PLA2R1: variants seen among roughly 807,000 people sequenced by gnomAD.
PLA2R1 encodes the protein phospholipase A2 receptor 1.
Under a neutral mutation model 195.9 loss-of-function variants are expected in PLA2R1, and 158 were observed. The ratio of observed to expected loss-of-function variants is 0.81; its 90% confidence interval spans 0.71 to 0.92. The LOEUF is 0.92. PLA2R1 is among the 40% of genes least tolerant of loss of function. PLA2R1 has a pLI of 0.00. For missense variants in PLA2R1, 1,626 were observed against 1,764.6 expected, an observed-to-expected ratio of 0.92 and a Z score of 1.41; for synonymous variants, 586 against 598.2, an observed-to-expected ratio of 0.98 and a Z score of 0.30.
At position 159,977,426 on chromosome 2, in the gene PLA2R1, A is replaced by T. The variant is rs769915693; in HGVS notation, c.2269-10T>A. 1.2e-6 allele frequency: 2 copies of T among 1,612,320 alleles called. No homozygotes were observed. Among genetic ancestry groups the T allele is most frequent in the Admixed American group, 1.7e-5 (1 of 59,958 alleles). The stretch of plus-strand genomic sequence containing the variant: ...AAAACGAAGAGACAACCTGCAGCAG[A>T]TGAAGTTCATTATTCCTTAATGATG... On this transcript the variant is annotated splice_polypyrimidine_tract_variant and intron_variant, in intron 14 of 29. Transcript: ENST00000283243.
intron 6 of PLA2R1, among the ~76,000 whole-genome samples, chr2:160,023,747 C>T (rs183487192): frequency 1.3e-5 from 2 of 152,168 alleles, no homozygotes. Context: ...CTGGTAACAC[C>T]TGGGATCTCA....
At chr2:160,002,987 A>G (rs1459129959) in intron 11 of PLA2R1, among the ~76,000 whole-genome samples, 1 of 151,988 alleles carries the variant, frequency 6.6e-6, no homozygotes, top group Non-Finnish European at 1.5e-5. Flanking sequence ...CATTGATTCT[A>G]TTTTTTCTAT....
intron 23 of PLA2R1, among the ~76,000 whole-genome samples, chr2:159,954,615 A>T (rs535150081): frequency 6.6e-6 from 1 of 152,190 alleles, no homozygotes; most frequent in African/African-American, 2.4e-5. Flanking sequence ...AGGGATACCC[A>T]GCATTCAGTA....
chr2:159,988,415 A>C (rs1391802289), intron 11 of PLA2R1, among the ~76,000 whole-genome samples: 1 of 152,200 alleles, frequency 6.6e-6, no homozygotes, highest in Admixed American at 6.5e-5. Flanking sequence ...GTTTAGTGTA[A>C]GACACAGACA....
At chr2:159,952,010 T>C (rs933408844) in intron 23 of PLA2R1, among the ~76,000 whole-genome samples, 5 of 152,230 alleles carry the variant, frequency 3.3e-5, no homozygotes, top group African/African-American at 4.8e-5. Flanking sequence ...AAACCTAATA[T>C]TACAGGTGCA....
intron 11 of PLA2R1, among the ~76,000 whole-genome samples, chr2:160,001,467 A>T (rs999754012): frequency 5.3e-5 from 8 of 152,036 alleles, no homozygotes; most frequent in African/African-American, 1.9e-4. Flanking sequence ...AATTCTATAC[A>T]TAATCACAAA....
In PLA2R1 at chr2:160,052,941, A is replaced by C. The variant is rs114410857; in HGVS notation, c.110-7784T>G. Among the ~76,000 whole-genome samples, 1,082 of 150,340 alleles carry C rather than the reference A, an allele frequency of 7.2e-3. 11 individuals are homozygous for C. Among genetic ancestry groups the C allele is most frequent in the Non-Finnish European group, 0.012 (820 of 67,070 alleles). On this transcript the variant is annotated intron_variant, in intron 1 of 29. Transcript: ENST00000283243. ...TTAAAAAACAAACAAAAAAACAAACAAACAAACAACTTTTAGTGGTAGATA... is the reference window on the plus strand; with the variant it reads ...TTAAAAAACAAACAAAAAAACAAACCAACAAACAACTTTTAGTGGTAGATA...
At chr2:159,927,139 G>C (rs1033749212), downstream of PLA2R1, among the ~76,000 whole-genome samples, 1 of 152,134 alleles carries the variant, frequency 6.6e-6, no homozygotes, top group Non-Finnish European at 1.5e-5. Context: ...TACAGGACTG[G>C]GAGGGAGGAA....
chr2:160,039,506 T>C (rs1431966965), intron 3 of PLA2R1, among the ~76,000 whole-genome samples: 1 of 152,178 alleles, frequency 6.6e-6, no homozygotes, highest in South Asian at 2.1e-4. Context: ...TCATTTTACA[T>C]TGAGATATTT....
intron 9 of PLA2R1, among the ~76,000 whole-genome samples, chr2:160,014,203 T>A (rs1692578536): frequency 6.6e-6 from 1 of 151,198 alleles, no homozygotes; most frequent in South Asian, 2.1e-4. Context: ...AAATAGAGAA[T>A]GGCCAATATA....
chr2:159,983,968 C>T lies in PLA2R1; in HGVS notation c.2143G>A (p.Glu715Lys). 3 of 1,597,646 alleles carry T rather than the reference C, an allele frequency of 1.9e-6. No homozygotes were observed. Among genetic ancestry groups the T allele is most frequent in the Non-Finnish European group, 2.6e-6 (3 of 1,166,476 alleles). Residue 715 changes from glutamate (E) to lysine (K), a missense_variant, in exon 13 of 30, where the codon GAG becomes AAG. Physicochemically the swap from Glu to Lys is moderately conservative, Grantham distance 56. Transcript: ENST00000283243. ...TGTAAGAGCTCATTCACAAAATTCT[C>T]TTCCTCAATATGGGCAAAGCTTGCA... ...HLASFAHIEE[E>K]NFVNELLHSK... is the part of the protein sequence containing the mutation.
In PLA2R1 at chr2:159,940,297, T is replaced by G. The variant is rs1187863984; in HGVS notation, c.*1481A>C. 1 of 152,238 alleles carries G rather than the reference T, an allele frequency of 6.6e-6. No homozygotes were observed. Among genetic ancestry groups the G allele is most frequent in the African/African-American group, 2.4e-5 (1 of 41,454 alleles). The allele number at this position is 152,238 out of a possible 1,614,324, so 9.4% of individuals were successfully genotyped here. On this transcript the variant is annotated 3_prime_UTR_variant, in exon 30 of 30. Transcript: ENST00000283243. ...CACTTGCTATTTTATGCATATGCAT[T>G]TCTTTACTGAGTTACTGTCAATTTT...
At chr2:160,016,075 C>G (rs1692722951) in intron 9 of PLA2R1, among the ~76,000 whole-genome samples, 1 of 151,994 alleles carries the variant, frequency 6.6e-6, no homozygotes, top group Admixed American at 6.5e-5. Context: ...ACAAGTCTGG[C>G]CAACATGGCA....
At chr2:159,956,710 G>C (rs1688116296) in intron 20 of PLA2R1, 83 bp from the exon 21 acceptor site, 1 of 804,218 alleles carries the variant, frequency 1.2e-6, no homozygotes. Flanking sequence ...CTGAATATCA[G>C]CTTTGAAAAT....
intron 25 of PLA2R1, among the ~76,000 whole-genome samples, chr2:159,948,402 T>C (rs1687521403): frequency 6.6e-6 from 1 of 151,632 alleles, no homozygotes; most frequent in Non-Finnish European, 1.5e-5. Context: ...GCCCAGATAA[T>C]TGAATTTTTT....
intron 11 of PLA2R1, 120 bp from the exon 12 acceptor site, chr2:159,987,478 A>G (rs1690436174): frequency 3.0e-6 from 2 of 677,292 alleles, no homozygotes; most frequent in Admixed American, 2.6e-5. Context: ...GACAAGAGCA[A>G]TCAAGATGAA....
At chr2:159,960,269 C>T (rs1330303824) in intron 20 of PLA2R1, among the ~76,000 whole-genome samples, 2 of 152,142 alleles carry the variant, frequency 1.3e-5, no homozygotes, top group Admixed American at 6.6e-5. Flanking sequence ...ATACACTTTT[C>T]TAGAACCACA....
downstream of PLA2R1, among the ~76,000 whole-genome samples, chr2:159,927,392 T>C (rs1307096336): frequency 6.6e-6 from 1 of 152,208 alleles, no homozygotes; most frequent in Admixed American, 6.5e-5. Context: ...CATCAGTCTC[T>C]AGAAACATGG....
At chr2:160,008,761 A>G (rs1692161062) in intron 10 of PLA2R1, among the ~76,000 whole-genome samples, 1 of 152,226 alleles carries the variant, frequency 6.6e-6, no homozygotes, top group Admixed American at 6.5e-5. Context: ...TGAAAAGGCA[A>G]CCCACAAAAT....
Sources: allele counts gnomAD v4.1 joint callset (sites outside exome capture counted in the v4.1 genomes callset), GRCh38; gene constraint gnomAD v4.1.1; transcripts MANE v1.5; gene names NCBI Gene and HGNC (gene_info 2026-07-23, HGNC 2026-07-21).